The following PTPRD variants were observed in gnomAD, a reference collection of about 807,000 sequenced individuals.
PTPRD encodes the protein receptor-type tyrosine-protein phosphatase delta.
In PTPRD, 34 loss-of-function variants were observed where a neutral mutation model predicts 214.5. The ratio of observed to expected loss-of-function variants is 0.16; its 90% CI spans 0.12 to 0.21. PTPRD has a LOEUF of 0.21. PTPRD is among the 10% of genes least tolerant of loss of function. The probability of loss-of-function intolerance (pLI) is 1.00; values close to 1 mark genes in which losing one functional copy is unlikely to be tolerated. For synonymous variants in PTPRD, 1,128 were observed against 845.7 expected, an observed-to-expected ratio of 1.33 and a Z score of -5.79; for missense variants, 2,545 against 2,398.7, an observed-to-expected ratio of 1.06 and a Z score of -1.27.
chr9:9,513,843 T>A (rs971791639), intron 8 of PTPRD, among the ~76,000 whole-genome samples: 4 of 152,058 alleles, frequency 2.6e-5, no homozygotes, highest in Admixed American at 1.3e-4. Context: ...TATCACCTGC[T>A]GGTTTTTATT....
intron 4 of PTPRD, among the ~76,000 whole-genome samples, chr9:10,025,326 A>C (rs2096903279): frequency 6.6e-6 from 1 of 152,164 alleles, no homozygotes; most frequent in Admixed American, 6.5e-5. Flanking sequence ...CGCCATTCTA[A>C]CTGGTGCGAG....
chr9:10,007,249 A>T (rs752812698), intron 4 of PTPRD, among the ~76,000 whole-genome samples: 26 of 152,120 alleles, frequency 1.7e-4, no homozygotes, highest in South Asian at 4.1e-4. Flanking sequence ...CATTTTTATT[A>T]CTTTTACTTT....
At chr9:9,015,220 T>C (rs2099529580) in intron 11 of PTPRD, among the ~76,000 whole-genome samples, 1 of 152,156 alleles carries the variant, frequency 6.6e-6, no homozygotes, top group African/African-American at 2.4e-5. Context: ...TGAGACCTAC[T>C]GGGCTGTATT....
chr9:9,362,947 G>A (rs536491805), intron 9 of PTPRD, among the ~76,000 whole-genome samples: 1 of 151,196 alleles, frequency 6.6e-6, no homozygotes, highest in South Asian at 2.1e-4. Context: ...GTAGATTCTT[G>A]TAAATCCTTT....
intron 9 of PTPRD, among the ~76,000 whole-genome samples, chr9:9,250,307 C>T (rs2099974943): frequency 6.6e-6 from 1 of 152,060 alleles, no homozygotes; most frequent in Non-Finnish European, 1.5e-5. Flanking sequence ...AGGGCAAAAA[C>T]ATCTCATCTG....
At chr9:8,801,528 C>A (rs1192467224) in intron 11 of PTPRD, among the ~76,000 whole-genome samples, 2 of 152,060 alleles carry the variant, frequency 1.3e-5, no homozygotes. Context: ...ACCAGCCTGA[C>A]CAACAGGGAG....
chr9:9,581,515 A>G (rs998970150), intron 7 of PTPRD, among the ~76,000 whole-genome samples: 3 of 152,174 alleles, frequency 2.0e-5, no homozygotes, highest in African/African-American at 7.2e-5. Context: ...ATTGTAGGCA[A>G]CATATTTGGG....
intron 4 of PTPRD, among the ~76,000 whole-genome samples, chr9:9,943,857 T>A (rs963475332): frequency 2.0e-5 from 3 of 152,158 alleles, no homozygotes; most frequent in Non-Finnish European, 2.9e-5. Flanking sequence ...GGAGTGCTGC[T>A]GGACTGCTAG....
At chr9:8,561,104 C>T (rs1249546376) in intron 14 of PTPRD, among the ~76,000 whole-genome samples, 3 of 152,098 alleles carry the variant, frequency 2.0e-5, no homozygotes, top group Non-Finnish European at 2.9e-5. Context: ...CCTGTCTTCC[C>T]ATTTGTTGCA....
At chr9:8,590,145 TTGA>T (rs1454471019) in intron 14 of PTPRD, among the ~76,000 whole-genome samples, 1 of 152,156 alleles carries the variant, frequency 6.6e-6, no homozygotes, top group African/African-American at 2.4e-5. Flanking sequence ...TGAGCTGGAA[TTGA>T]TTTTATTAAA....
chr9:8,601,222 C>T (rs886558856), intron 14 of PTPRD, among the ~76,000 whole-genome samples: 3 of 152,190 alleles, frequency 2.0e-5, no homozygotes, highest in Non-Finnish European at 4.4e-5. Flanking sequence ...AGCCCAGCCA[C>T]AGCAGACTAG....
At chr9:9,683,891 C>A (rs983311014) in intron 7 of PTPRD, among the ~76,000 whole-genome samples, 7 of 151,548 alleles carry the variant, frequency 4.6e-5, no homozygotes, top group Non-Finnish European at 8.9e-5. Context: ...ACCAACTATT[C>A]TAATTTTATA....
chr9:10,255,901 G>T (rs1318669702), intron 3 of PTPRD, among the ~76,000 whole-genome samples: 1 of 152,122 alleles, frequency 6.6e-6, no homozygotes, highest in Non-Finnish European at 1.5e-5. Context: ...CCCAGGCCCG[G>T]ACTGGTACTG....
intron 10 of PTPRD, among the ~76,000 whole-genome samples, chr9:9,139,617 TGG>T (rs386732428): frequency 2.6e-5 from 4 of 151,736 alleles, no homozygotes; most frequent in African/African-American, 9.7e-5. Flanking sequence ...GGACAAAGGG[TGG>T]ATTCATGTCC....
intron 2 of PTPRD, among the ~76,000 whole-genome samples, chr9:10,408,173 C>A (rs2154503354): frequency 6.6e-6 from 1 of 151,568 alleles, no homozygotes; most frequent in East Asian, 2.0e-4. Flanking sequence ...AAGTGACAAC[C>A]AACCTAAGGT....
intron 10 of PTPRD, among the ~76,000 whole-genome samples, chr9:9,085,192 T>C (rs2099765228): frequency 6.6e-6 from 1 of 152,202 alleles, no homozygotes; most frequent in Admixed American, 6.6e-5. Flanking sequence ...TTTAATGGCA[T>C]TGTGATAAAA....
chr9:9,939,349 A>G (rs1986862), intron 4 of PTPRD, among the ~76,000 whole-genome samples: 54,936 of 151,976 alleles, frequency 0.36, 10,620 homozygotes, highest in East Asian at 0.74. Context: ...GGTGGTTGTA[A>G]GGAACTCTAA....
intron 12 of PTPRD, among the ~76,000 whole-genome samples, chr9:8,669,149 G>C (rs953650195): frequency 2.0e-5 from 3 of 152,140 alleles, no homozygotes; most frequent in Non-Finnish European, 4.4e-5. Context: ...GATGCATGTA[G>C]GCAGACAGTG....
chr9:9,767,683 G>GA (rs967473366), intron 5 of PTPRD, among the ~76,000 whole-genome samples: 4 of 151,940 alleles, frequency 2.6e-5, no homozygotes, highest in Admixed American at 6.6e-5. Flanking sequence ...AAAATTTCCA[G>GA]AAAAAATCTA....
Sources: gnomAD v4.1 joint callset for allele counts (sites outside exome capture counted in the v4.1 genomes callset) on GRCh38, gnomAD v4.1.1 for gene constraint, MANE v1.5 for transcripts, NCBI Gene and HGNC (gene_info 2026-07-23, HGNC 2026-07-21) for gene names.